The following ZFAT variants were observed in gnomAD, a reference collection of about 807,000 sequenced individuals.
The protein encoded by ZFAT is zinc finger and AT-hook domain containing.
Under a neutral mutation model 117.7 loss-of-function variants are expected in ZFAT, and 64 were observed. That is an observed-to-expected ratio of 0.54 (90% confidence interval 0.44 to 0.67). The LOEUF is 0.67. Ranked by LOEUF, ZFAT falls within the 30% of genes least tolerant of loss-of-function variation. ZFAT has a pLI of 0.00. For synonymous variants in ZFAT, 679 were observed against 615.0 expected, an observed-to-expected ratio of 1.10 and a Z score of -1.54; for missense variants, 1,433 against 1,584.5, an observed-to-expected ratio of 0.90 and a Z score of 1.62.
chr8:134,512,869 G>T (rs1819961326), intron 13 of ZFAT, among the ~76,000 whole-genome samples: 1 of 152,214 alleles, frequency 6.6e-6, no homozygotes, highest in African/African-American at 2.4e-5. Context: ...TATGTATGCT[G>T]TTCACAATTA....
chr8:134,669,491 C>T (rs1327750292), intron 1 of ZFAT, among the ~76,000 whole-genome samples: 1 of 152,128 alleles, frequency 6.6e-6, no homozygotes, highest in Non-Finnish European at 1.5e-5. Flanking sequence ...AATTTCAAAT[C>T]CTGCCAAACT....
chr8:134,604,791 T>C (rs1350616794), intron 5 of ZFAT, among the ~76,000 whole-genome samples: 1 of 152,316 alleles, frequency 6.6e-6, no homozygotes, highest in East Asian at 1.9e-4. Context: ...AATATTTAAA[T>C]TTGGAAGTTA....
intron 1 of ZFAT, among the ~76,000 whole-genome samples, chr8:134,689,326 G>C (rs867226258): frequency 6.6e-6 from 1 of 152,196 alleles, no homozygotes; most frequent in Non-Finnish European, 1.5e-5. Flanking sequence ...CTCTGCCTAC[G>C]GGGTAGCCCT....
chr8:134,627,123 G>A (rs1193358375), intron 3 of ZFAT, among the ~76,000 whole-genome samples: 1 of 152,210 alleles, frequency 6.6e-6, no homozygotes, highest in African/African-American at 2.4e-5. Flanking sequence ...TCCAGCAAGA[G>A]CAGGGGAGGG....
At chr8:134,803,239 C>A in the ZFAT span, among the ~76,000 whole-genome samples, 1 of 152,142 alleles carries the variant, frequency 6.6e-6, no homozygotes, top group African/African-American at 2.4e-5. Context: ...ATTATGCATC[C>A]ATCTTACTAA....
intron 10 of ZFAT, among the ~76,000 whole-genome samples, chr8:134,583,136 C>T (rs1170735406): frequency 6.6e-6 from 1 of 152,064 alleles, no homozygotes; most frequent in Non-Finnish European, 1.5e-5. Flanking sequence ...CCATGCCCTG[C>T]TCCCAGGGCT....
intron 1 of ZFAT, among the ~76,000 whole-genome samples, chr8:134,658,776 G>C (rs1379226909): frequency 6.6e-6 from 1 of 152,188 alleles, no homozygotes; most frequent in African/African-American, 2.4e-5. Context: ...CCACTGAAAA[G>C]GACAATGGCT....
At chr8:134,659,624 A>G (rs374877755) in intron 1 of ZFAT, among the ~76,000 whole-genome samples, 12 of 152,096 alleles carry the variant, frequency 7.9e-5, no homozygotes, top group African/African-American at 2.4e-4. Flanking sequence ...CAGGTCATCA[A>G]TTCTTCCCTC....
chr8:134,525,519 G>T (rs1820964870), intron 12 of ZFAT, among the ~76,000 whole-genome samples: 1 of 152,186 alleles, frequency 6.6e-6, no homozygotes. Context: ...CGGGGATGTG[G>T]CCCACATTTA....
chr8:134,756,459 G>GGTT, the ZFAT span, among the ~76,000 whole-genome samples: 1 of 152,202 alleles, frequency 6.6e-6, no homozygotes, highest in African/African-American at 2.4e-5. Flanking sequence ...CAGGTCCCAG[G>GGTT]GCCAAACTCA....
At chr8:134,508,143 ACAT>A (rs747430593) in intron 15 of ZFAT, among the ~76,000 whole-genome samples, 1 of 152,238 alleles carries the variant, frequency 6.6e-6, no homozygotes, top group Non-Finnish European at 1.5e-5. Flanking sequence ...TGTGATCCAA[ACAT>A]TCATCTAGAT....
At chr8:134,481,457 T>A (rs1485384272) in intron 15 of ZFAT, among the ~76,000 whole-genome samples, 1 of 152,206 alleles carries the variant, frequency 6.6e-6, no homozygotes, top group Non-Finnish European at 1.5e-5. Flanking sequence ...ACATAGTGAC[T>A]GCCACCGAAG....
chr8:134,488,997 G>C (rs1296792814), intron 15 of ZFAT, among the ~76,000 whole-genome samples: 6 of 149,186 alleles, frequency 4.0e-5, no homozygotes, highest in East Asian at 2.0e-4. Flanking sequence ...CAGAACAAGT[G>C]GGGGGTGGGG....
At chr8:134,782,435 C>A in the ZFAT span, among the ~76,000 whole-genome samples, 7 of 152,126 alleles carry the variant, frequency 4.6e-5, no homozygotes, top group Admixed American at 4.6e-4. Context: ...ACGACTTGGG[C>A]AATTTACCTA....
chr8:134,718,435 T>G, the ZFAT span, among the ~76,000 whole-genome samples: 1 of 152,112 alleles, frequency 6.6e-6, no homozygotes, highest in South Asian at 2.1e-4. Flanking sequence ...GAGGTGGAGG[T>G]TGCAGTGAGC....
At chr8:134,592,002 A>G (rs1180072602) in intron 7 of ZFAT, among the ~76,000 whole-genome samples, 1 of 143,278 alleles carries the variant, frequency 7.0e-6, no homozygotes, top group Non-Finnish European at 1.5e-5. Flanking sequence ...GGTAGGGAGG[A>G]CTCTGCGCAG....
intron 1 of ZFAT, among the ~76,000 whole-genome samples, chr8:134,695,993 C>T (rs906634502): frequency 1.5e-4 from 23 of 150,442 alleles, no homozygotes; most frequent in African/African-American, 2.7e-4. Flanking sequence ...CCATCTCTAA[C>T]GAATAAGGTG....
chr8:134,717,044 G>C (rs751029697), upstream of ZFAT, among the ~76,000 whole-genome samples: 1 of 152,178 alleles, frequency 6.6e-6, no homozygotes, highest in Non-Finnish European at 1.5e-5. Context: ...CAGCTAAAAG[G>C]GGGGTTCAAT....
chr8:134,791,845 G>C, the ZFAT span, among the ~76,000 whole-genome samples: 4 of 152,230 alleles, frequency 2.6e-5, no homozygotes, highest in Admixed American at 1.3e-4. Context: ...CATAAGCTGG[G>C]AGTTTCTGAA....
Sources: allele counts gnomAD v4.1 joint callset (sites outside exome capture counted in the v4.1 genomes callset), GRCh38; gene constraint gnomAD v4.1.1; transcripts MANE v1.5; gene names NCBI Gene and HGNC (gene_info 2026-07-23, HGNC 2026-07-21).